The following EPHX1 variants were observed in gnomAD, a reference collection of about 807,000 sequenced individuals.
EPHX1 encodes the protein epoxide hydrolase 1.
EPHX1 carries 40 observed loss-of-function variants against 43.2 expected under a neutral mutation model. The ratio of observed to expected loss-of-function variants is 0.93; its 90% confidence interval spans 0.72 to 1.21. The LOEUF is 1.21. Ranked by LOEUF, EPHX1 falls within the 50% of genes most tolerant of loss-of-function variation. The pLI is 0.00. For synonymous variants in EPHX1, 221 were observed against 226.7 expected, an observed-to-expected ratio of 0.98 and a Z score of 0.22; for missense variants, 550 against 570.4, an observed-to-expected ratio of 0.96 and a Z score of 0.36.
intron 1 of EPHX1, among the ~76,000 whole-genome samples, chr1:225,816,616 G>A (rs1330841699): frequency 1.3e-5 from 2 of 152,236 alleles, no homozygotes; most frequent in Admixed American, 1.3e-4. Flanking sequence ...TTTAAAGAGT[G>A]TGGAAGTAGC....
chr1:225,839,657 T>C (rs1472334991), intron 5 of EPHX1, among the ~76,000 whole-genome samples, 172 bp from the exon 6 acceptor site: 2 of 152,064 alleles, frequency 1.3e-5, no homozygotes, highest in East Asian at 1.9e-4. Context: ...ACTGTATTTT[T>C]CCCCCAACCT....
At chr1:225,819,589 T>C (rs1220370360) in intron 1 of EPHX1, among the ~76,000 whole-genome samples, 1 of 152,078 alleles carries the variant, frequency 6.6e-6, no homozygotes, top group Non-Finnish European at 1.5e-5. Flanking sequence ...TACTGATATC[T>C]GTGGCGGAGT....
At chr1:225,819,488 G>C (rs1030194312) in intron 1 of EPHX1, among the ~76,000 whole-genome samples, 8 of 152,172 alleles carry the variant, frequency 5.3e-5, no homozygotes, top group African/African-American at 1.9e-4. Flanking sequence ...AGTGGACCGG[G>C]CAGGGTAGTA....
At chr1:225,816,177 C>T (rs947798213) in intron 1 of EPHX1, among the ~76,000 whole-genome samples, 1 of 152,170 alleles carries the variant, frequency 6.6e-6, no homozygotes, top group African/African-American at 2.4e-5. Context: ...CCTGTAATCC[C>T]AGCTACTCAG....
chr1:225,828,175 C>A (rs1435782339), intron 1 of EPHX1, among the ~76,000 whole-genome samples: 1 of 152,148 alleles, frequency 6.6e-6, no homozygotes, highest in African/African-American at 2.4e-5. Context: ...GAAACCCCAT[C>A]TCTACTAAAA....
Position 225,817,981 on chromosome 1 carries a change from G to T in EPHX1, c.-6+7812G>T, listed in dbSNP as rs1000631084. On this transcript the variant is annotated intron_variant, in intron 1 of 8. Coordinates refer to ENST00000272167, the MANE Select transcript of EPHX1 (RefSeq NM_001136018.4). The surrounding 1 kb of genome is among the most constrained non-coding windows in gnomAD (Gnocchi z 5.7). ...ACCTGCCCTTTACTTTGTGTGGCCGGATCTGAGTCTGACCCCATCTTTTTA... is the reference window on the plus strand; with the variant it reads ...ACCTGCCCTTTACTTTGTGTGGCCGTATCTGAGTCTGACCCCATCTTTTTA... 6.6e-6 allele frequency among the ~76,000 whole-genome samples: 1 copy of T among 152,150 alleles called. No homozygotes were observed. The highest frequency in any genetic ancestry group is 1.5e-5 in the Non-Finnish European group (1 of 68,028).
intron 1 of EPHX1, among the ~76,000 whole-genome samples, chr1:225,814,874 G>A (rs1236940233): frequency 6.6e-6 from 1 of 152,278 alleles, no homozygotes; most frequent in Admixed American, 6.5e-5. Context: ...ATTTCGGAGA[G>A]ACTTTAGGAA....
rs368254083 is a variant in EPHX1 at position 225,828,728 on chromosome 1, C to G, written c.-2C>G. The stretch of plus-strand genomic sequence containing the variant: ...ATGGCTTCCCCTCATCTTGCAGGAG[C>G]CATGTGGCTAGAAATCCTCCTCACT... On this transcript the variant is annotated 5_prime_UTR_variant, in exon 2 of 9. Coordinates refer to ENST00000272167, the MANE Select transcript of EPHX1 (RefSeq NM_001136018.4). 1.2e-6 allele frequency: 2 copies of G among 1,611,736 alleles called. No homozygotes were observed. The highest frequency in any genetic ancestry group is 2.2e-5 in the South Asian group (2 of 90,922).
intron 8 of EPHX1, 103 bp downstream of exon 8, chr1:225,844,726 C>A: frequency 6.5e-7 from 1 of 1,542,786 alleles, no homozygotes; most frequent in Non-Finnish European, 8.7e-7. Context: ...ATAAGTATAG[C>A]CTTGCCTGCA....
chr1:225,821,278 TC>T (rs1666967481), intron 1 of EPHX1, among the ~76,000 whole-genome samples: 1 of 152,074 alleles, frequency 6.6e-6, no homozygotes, highest in Non-Finnish European at 1.5e-5. Flanking sequence ...GGAGTCTTGC[TC>T]TGTTGCCCAG....
At position 225,839,999 on chromosome 1, in the gene EPHX1, G is replaced by A. The variant is rs751806120; in HGVS notation, c.893G>A (p.Gly298Asp). 9.9e-6 allele frequency: 16 copies of A among 1,614,030 alleles called. No homozygotes were observed. In the East Asian group the frequency reaches 3.3e-4, roughly 34 times the overall value. ...KVFYSLMRES[G>D]YMHIQCTKPD... ...TTCTACAGCCTGATGAGGGAGAGCG[G>A]CTACATGCACATCCAGTGCACCAAG... The change falls in exon 6 of 9, where the codon GGC (glycine) becomes GAC (aspartate). Residue 298 changes from glycine to aspartate, a missense_variant. Gly to Asp is a moderately conservative substitution (Grantham distance 94). Transcript: ENST00000272167.
At chr1:225,842,161 G>A (rs570781679) in intron 6 of EPHX1, among the ~76,000 whole-genome samples, 44 of 152,356 alleles carry the variant, frequency 2.9e-4, no homozygotes, top group African/African-American at 8.9e-4. Flanking sequence ...GGAAGGTATC[G>A]TCCCTGTTTA....
At chr1:225,826,014 T>C (rs902159574) in intron 1 of EPHX1, among the ~76,000 whole-genome samples, 3 of 152,242 alleles carry the variant, frequency 2.0e-5, no homozygotes, top group Non-Finnish European at 2.9e-5. Flanking sequence ...AGCTGATGCA[T>C]GTTTTTTCTT....
chr1:225,830,297 G>A (rs1373624980), intron 2 of EPHX1, among the ~76,000 whole-genome samples: 1 of 152,168 alleles, frequency 6.6e-6, no homozygotes, highest in Admixed American at 6.5e-5. Context: ...ACTCCTAAGG[G>A]AGTCTGAGAT....
rs940185312 is a variant in EPHX1 at position 225,828,520 on chromosome 1, A to G, written c.-5-205A>G. 2.0e-5 allele frequency among the ~76,000 whole-genome samples: 3 copies of G among 148,614 alleles called. No individual in the cohort carries two copies. The East Asian group carries it at 5.8e-4, about 29-fold the overall frequency. ...TTGTTTTTCCATTTTTCTAGATCAT[A>G]TATATATAATATTTATACTATATAT... On this transcript the variant is annotated intron_variant, in intron 1 of 8. Coordinates refer to ENST00000272167, the MANE Select transcript of EPHX1 (RefSeq NM_001136018.4).
At chr1:225,844,838 C>G (rs1668799067) in intron 8 of EPHX1, among the ~76,000 whole-genome samples, 1 of 152,172 alleles carries the variant, frequency 6.6e-6, no homozygotes, top group African/African-American at 2.4e-5. Flanking sequence ...GCCCTCAGTA[C>G]CGCTCCCCAG....
rs755378466 is a variant in EPHX1 at position 225,838,697 on chromosome 1, C to T, written c.408C>T (p.Pro136=). Residue 136 remains proline (P), a synonymous_variant, in exon 4 of 9, where the codon CCC becomes CCT. Coordinates refer to ENST00000272167, the MANE Select transcript of EPHX1 (RefSeq NM_001136018.4). ...TCCACGTGAAGCCCCCCCAGCTGCCCGCAGGCCATACCCCGAAGCCCTTGC... is the reference window on the plus strand; with the variant it reads ...TCCACGTGAAGCCCCCCCAGCTGCCTGCAGGCCATACCCCGAAGCCCTTGC... The part of the protein sequence containing the change: ...HFIHVKPPQL[P]AGHTPKPLLM... 49 of 1,614,052 alleles carry T rather than the reference C, an allele frequency of 3.0e-5. No individual in the cohort carries two copies. The highest frequency in any genetic ancestry group is 3.8e-5 in the Non-Finnish European group (45 of 1,180,024).
At chr1:225,835,170 C>T (rs1667881408) in intron 3 of EPHX1, among the ~76,000 whole-genome samples, 1 of 152,126 alleles carries the variant, frequency 6.6e-6, no homozygotes, top group African/African-American at 2.4e-5. Flanking sequence ...CCCTTTCCAT[C>T]CTGGCAGCTG....
chr1:225,835,384 T>C lies in EPHX1; in HGVS notation c.365-3270T>C, dbSNP rs1449429605. Among the ~76,000 whole-genome samples the C allele has an allele frequency of 7.1e-3, 961 of 135,896 alleles. 15 individuals carry two copies. The highest frequency in any genetic ancestry group is 8.8e-3 in the Non-Finnish European group (543 of 61,660). The allele number at this position is 135,896 out of a possible 152,430, so 89.2% of individuals were successfully genotyped here. The stretch of plus-strand genomic sequence containing the variant: ...CAGGTATGCACCACCACACTAGGCT[T>C]TTTTTTTTTTTTTTTTTTTTCTTGA... On this transcript the variant is annotated intron_variant, in intron 3 of 8. Transcript: ENST00000272167.
Sources: gnomAD v4.1 joint callset for allele counts (sites outside exome capture counted in the v4.1 genomes callset) on GRCh38, gnomAD v4.1.1 for gene constraint, Gnocchi (gnomAD v3.1) non-coding constraint, MANE v1.5 for transcripts, NCBI Gene and HGNC (gene_info 2026-07-23, HGNC 2026-07-21) for gene names.